DNAH5: variants seen among roughly 807,000 people sequenced by gnomAD.
DNAH5 encodes the protein dynein axonemal heavy chain 5.
Under a neutral mutation model 518.2 loss-of-function variants are expected in DNAH5, and 372 were observed. The observed-to-expected ratio is 0.72, with a 90% CI of 0.66 to 0.78. The LOEUF (loss-of-function observed/expected upper bound fraction) is 0.78. Among genes scored for constraint, DNAH5 ranks in the 30% least tolerant of loss-of-function variants. The pLI, the probability that DNAH5 is intolerant of heterozygous loss-of-function variation, is 0.00. For missense variants in DNAH5, 5,523 were observed against 5,687.0 expected, an observed-to-expected ratio of 0.97 and a Z score of 0.93; for synonymous variants, 2,039 against 2,025.9, an observed-to-expected ratio of 1.01 and a Z score of -0.17.
rs1754250771 is a variant in DNAH5 at position 13,777,341 on chromosome 5, G to A, written c.8966C>T (p.Ser2989Leu). 1 of 1,613,046 alleles carries A rather than the reference G, an allele frequency of 6.2e-7. No individual in the cohort carries two copies. Among genetic ancestry groups the A allele is most frequent in the Non-Finnish European group, 8.5e-7 (1 of 1,179,488 alleles). ...AACCTTCAGATCTTCCATCAGATTT[G>A]ATGTGTTGTAGGATCTAAAGAAATA... ...QITLTRSYNT[S>L]NLMEDLKVLY... The change falls in exon 54 of 79, where the codon TCA (serine) becomes TTA (leucine). Residue 2989 changes from serine (S) to leucine (L), a missense_variant. Transcript: ENST00000265104.
intron 3 of DNAH5, 145 bp from the exon 4 acceptor site, chr5:13,923,585 G>C: frequency 1.2e-6 from 1 of 854,852 alleles, no homozygotes; most frequent in Non-Finnish European, 1.9e-6. Flanking sequence ...ACAATCTCTA[G>C]CATGAGCCGT....
intron 65 of DNAH5, among the ~76,000 whole-genome samples, 181 bp from the exon 66 acceptor site, chr5:13,737,676 G>A (rs1347106928): frequency 1.3e-5 from 2 of 152,114 alleles, no homozygotes; most frequent in South Asian, 2.1e-4. Flanking sequence ...TGTAATCCCA[G>A]CACTTTGGGA....
chr5:13,720,125 A>G (rs538729038), intron 71 of DNAH5, among the ~76,000 whole-genome samples: 1 of 145,632 alleles, frequency 6.9e-6, no homozygotes, highest in African/African-American at 2.5e-5. Context: ...AAAAAAAAAA[A>G]AACAAGCACT....
intron 72 of DNAH5, among the ~76,000 whole-genome samples, chr5:13,718,278 C>T (rs1048542946): frequency 2.0e-5 from 3 of 152,158 alleles, no homozygotes; most frequent in Non-Finnish European, 4.4e-5. Flanking sequence ...TTGAATGACT[C>T]ACACCCAAAA....
At chr5:13,891,254 C>T (rs1258942017) in intron 16 of DNAH5, 133 bp from the exon 17 acceptor site, 1 of 891,420 alleles carries the variant, frequency 1.1e-6, no homozygotes, top group African/African-American at 1.7e-5. Flanking sequence ...TCCCCAGATC[C>T]CCACTGATTC....
At chr5:13,787,089 G>A (rs1281467965) in intron 51 of DNAH5, among the ~76,000 whole-genome samples, 2 of 151,906 alleles carry the variant, frequency 1.3e-5, no homozygotes. Context: ...GCCTGGTGGT[G>A]TATGCCTGTA....
intron 2 of DNAH5, among the ~76,000 whole-genome samples, chr5:13,928,889 C>T (rs7719880): frequency 0.25 from 38,410 of 152,138 alleles, 5,187 homozygotes; most frequent in Middle Eastern, 0.3. Context: ...TTGAGCACTA[C>T]TGGTGGGAAT....
chr5:13,793,398 T>C, intron 49 of DNAH5, 117 bp downstream of exon 49: 2 of 821,238 alleles, frequency 2.4e-6, no homozygotes, highest in Non-Finnish European at 4.2e-6. Context: ...ATGGAGGCTG[T>C]AGACCAAGGA....
intron 76 of DNAH5, among the ~76,000 whole-genome samples, chr5:13,706,152 A>G (rs1742758349): frequency 6.6e-6 from 1 of 152,210 alleles, no homozygotes. Flanking sequence ...ACTCCTGGCA[A>G]TTGAAGCCAG....
At chr5:13,784,771 G>A (rs1402998106) in intron 52 of DNAH5, among the ~76,000 whole-genome samples, 5 of 152,172 alleles carry the variant, frequency 3.3e-5, no homozygotes, top group Non-Finnish European at 7.3e-5. Context: ...TCAACTAAGT[G>A]AGAATATCAA....
At chr5:13,916,512 T>G (rs530010995) in intron 8 of DNAH5, 57 bp from the exon 9 acceptor site, 2 of 864,706 alleles carry the variant, frequency 2.3e-6, no homozygotes, top group East Asian at 5.1e-5. Context: ...AAAATTCTAA[T>G]AGACTAACCA....
At position 13,737,321 on chromosome 5, in the gene DNAH5, T is replaced by A. The variant is rs766922927; in HGVS notation, c.11386A>T (p.Thr3796Ser). 6 of 1,614,168 alleles carry A rather than the reference T, an allele frequency of 3.7e-6. No individual in the cohort carries two copies. In the Admixed American group the frequency reaches 8.3e-5, roughly 22 times the overall value. ...TCAGCAGAAATTTCTAGCTTCTGTG[T>A]CACCTCCTCGGCTGTCCTTTTTGTG... ...SNTKRTAEEV[T>S]QKLEISAETE... Residue 3796 changes from threonine (T) to serine (S), a missense_variant, in exon 66 of 79, where the codon ACA becomes TCA. Transcript: ENST00000265104.
intron 49 of DNAH5, among the ~76,000 whole-genome samples, chr5:13,792,546 T>A (rs1757163273): frequency 6.6e-6 from 1 of 152,218 alleles, no homozygotes; most frequent in Admixed American, 6.5e-5. Context: ...AAAAAAGTTT[T>A]TATAAGTCCT....
chr5:13,730,982 G>A (rs1746461775), intron 68 of DNAH5, among the ~76,000 whole-genome samples: 1 of 152,132 alleles, frequency 6.6e-6, no homozygotes. Context: ...GGGATTAAAG[G>A]CATGAGCCAC....
intron 21 of DNAH5, among the ~76,000 whole-genome samples, chr5:13,881,032 T>C (rs947634215): frequency 3.8e-4 from 57 of 151,728 alleles, no homozygotes; most frequent in African/African-American, 1.4e-3. Flanking sequence ...AGACTTAACA[T>C]CAAAAAGTGT....
At chr5:13,872,953 C>T (rs1490487058) in intron 22 of DNAH5, among the ~76,000 whole-genome samples, 2 of 152,116 alleles carry the variant, frequency 1.3e-5, no homozygotes, top group Non-Finnish European at 2.9e-5. Context: ...TCAGAAGAGT[C>T]AGATTTCTCA....
intron 25 of DNAH5, among the ~76,000 whole-genome samples, 158 bp downstream of exon 25, chr5:13,867,616 G>A (rs1580667940): frequency 6.6e-6 from 1 of 151,514 alleles, no homozygotes; most frequent in Non-Finnish European, 1.5e-5. Context: ...AAAGAATTGT[G>A]AAAAAAAATG....
rs1489564718 is a variant in DNAH5, at chr5:13,817,691, CA to C, written c.6844del (p.Cys2282ValfsTer8). The C allele has an allele frequency of 5.6e-6, 9 of 1,614,034 alleles. No homozygotes were observed. The highest frequency in any genetic ancestry group is 7.6e-6 in the Non-Finnish European group (9 of 1,180,026). ...CCTCATTTCCCGATGTGGTTTTCCA[CA>C]ATCTATACCAAGTAAATCCAAATTT... The part of the protein sequence containing the change: ...IHTLMRAMTD[C>X]GKPHREMRMN... On this transcript the variant is annotated frameshift_variant and splice_region_variant, in exon 42 of 79. Transcript: ENST00000265104. LOFTEE classifies it high-confidence loss of function.
chr5:13,876,788 G>GT lies in DNAH5; in HGVS notation c.3291dup (p.Pro1098ThrfsTer11), dbSNP rs762081081. 9.9e-6 allele frequency: 16 copies of GT among 1,613,696 alleles called. No individual in the cohort carries two copies. Among genetic ancestry groups the GT allele is most frequent in the Non-Finnish European group, 1.2e-5 (14 of 1,179,756 alleles). On this transcript the variant is annotated frameshift_variant, in exon 22 of 79. Transcript: ENST00000265104. LOFTEE classifies it high-confidence loss of function. Reference sequence around the variant, plus strand: ...TAGTTCTTGGTTTGCACGGGAATGGGTAAATTTACAGATGCTATCTCCAAG... The same window carrying GT: ...TAGTTCTTGGTTTGCACGGGAATGGGTTAAATTTACAGATGCTATCTCCAAG...
Sources: gnomAD v4.1 joint callset for allele counts (sites outside exome capture counted in the v4.1 genomes callset) on GRCh38, gnomAD v4.1.1 for gene constraint, MANE v1.5 for transcripts, NCBI Gene and HGNC (gene_info 2026-07-23, HGNC 2026-07-21) for gene names.